GRM8: variants seen among roughly 807,000 people sequenced by gnomAD.
GRM8 encodes the protein metabotropic glutamate receptor 8.
In GRM8, 47 loss-of-function variants were observed where a neutral mutation model predicts 87.2. That is an observed-to-expected ratio of 0.54 (90% CI 0.43 to 0.69). The LOEUF (loss-of-function observed/expected upper bound fraction) is 0.69. Ranked by LOEUF, GRM8 falls within the 30% of genes least tolerant of loss-of-function variation. The pLI, the probability that GRM8 is intolerant of heterozygous loss-of-function variation, is 0.00. For missense variants in GRM8, 1,019 were observed against 1,139.2 expected (o/e 0.89, Z 1.52); for synonymous variants, 396 against 404.5 (o/e 0.98, Z 0.25).
At chr7:126,991,409 C>T (rs553062831) in intron 3 of GRM8, among the ~76,000 whole-genome samples, 3 of 152,100 alleles carry the variant, frequency 2.0e-5, no homozygotes, top group African/African-American at 7.2e-5. Flanking sequence ...GACTGTGTTC[C>T]GAAGCCTAGA....
At chr7:127,006,420 A>G (rs1224382861) in intron 3 of GRM8, among the ~76,000 whole-genome samples, 1 of 151,988 alleles carries the variant, frequency 6.6e-6, no homozygotes, top group South Asian at 2.1e-4. Context: ...TTGCCCCTTC[A>G]GCTTCCGTCC....
intron 2 of GRM8, among the ~76,000 whole-genome samples, chr7:127,120,713 G>A (rs1827034926): frequency 6.6e-6 from 1 of 152,198 alleles, no homozygotes; most frequent in African/African-American, 2.4e-5. Flanking sequence ...TTGTCATCAT[G>A]AGGAGATATA....
chr7:126,652,030 T>C (rs776909817), intron 7 of GRM8, among the ~76,000 whole-genome samples: 33 of 152,222 alleles, frequency 2.2e-4, no homozygotes, highest in Admixed American at 3.9e-4. Flanking sequence ...GCTACGACCA[T>C]GTGACCAGTT....
rs74784875 is a variant in GRM8, at chr7:126,608,465, C to T, written c.1494+897G>A. On this transcript the variant is annotated intron_variant, in intron 8 of 10. Transcript: ENST00000339582. ...GCAAATGCCCAGGTGCTTTTGGGCA[C>T]CAATCCCAGGCCTTGGGAACTTGCT... Among the ~76,000 whole-genome samples the T allele has an allele frequency of 1.7e-4, 26 of 152,312 alleles. No homozygotes were observed. In the East Asian group the frequency reaches 3.9e-3, roughly 23 times the overall value.
intron 2 of GRM8, among the ~76,000 whole-genome samples, chr7:127,223,443 GCACACACACACACA>G (rs61674303): frequency 0.077 from 11,084 of 144,010 alleles, 1,363 homozygotes; most frequent in African/African-American, 0.26. Flanking sequence ...ACACACACAC[GCACACACACACACA>G]CACACACACA....
chr7:126,577,739 T>C (rs1795243000), intron 8 of GRM8, among the ~76,000 whole-genome samples: 1 of 152,166 alleles, frequency 6.6e-6, no homozygotes, highest in African/African-American at 2.4e-5. Context: ...TGTAACCCAA[T>C]GCAATTTCTT....
At chr7:127,002,568 C>T (rs1414557101) in intron 3 of GRM8, among the ~76,000 whole-genome samples, 3 of 151,636 alleles carry the variant, frequency 2.0e-5, no homozygotes, top group Non-Finnish European at 4.4e-5. Context: ...TCTGCCATGG[C>T]TAGCTCTCGA....
intron 3 of GRM8, among the ~76,000 whole-genome samples, chr7:126,930,749 C>G (rs1415126874): frequency 6.6e-6 from 1 of 152,080 alleles, no homozygotes; most frequent in Non-Finnish European, 1.5e-5. Context: ...TTCATGTGAG[C>G]CGAGTATTAT....
intron 6 of GRM8, among the ~76,000 whole-genome samples, chr7:126,844,830 A>G (rs1193738399): frequency 6.6e-6 from 1 of 152,188 alleles, no homozygotes; most frequent in African/African-American, 2.4e-5. Context: ...ATACCATTGG[A>G]TTAGGACTTC....
At chr7:126,648,713 C>T (rs529417391) in intron 7 of GRM8, among the ~76,000 whole-genome samples, 24 of 152,190 alleles carry the variant, frequency 1.6e-4, no homozygotes, top group Non-Finnish European at 3.1e-4. Context: ...TATCTAGAAA[C>T]TCCATTATCT....
intron 6 of GRM8, among the ~76,000 whole-genome samples, chr7:126,840,467 A>C (rs1796173595): frequency 6.6e-6 from 1 of 152,166 alleles, no homozygotes; most frequent in African/African-American, 2.4e-5. Flanking sequence ...CTTTTATTGG[A>C]AAAGAATTTA....
chr7:127,219,315 G>A lies in GRM8; in HGVS notation c.510+23380C>T, dbSNP rs1796769648. ...ATAGTTACCTCAAGATAGAAATATAGTAAAGAACTTTTGTCTTTCATGACA... is the reference window on the plus strand; with the variant it reads ...ATAGTTACCTCAAGATAGAAATATAATAAAGAACTTTTGTCTTTCATGACA... On this transcript the variant is annotated intron_variant, in intron 2 of 10. Transcript: ENST00000339582. Among the ~76,000 whole-genome samples the A allele has an allele frequency of 2.6e-5, 4 of 152,266 alleles. No individual in the cohort carries two copies. The South Asian group carries it at 8.3e-4, about 32-fold the overall frequency.
chr7:126,656,778 T>C (rs918591348), intron 7 of GRM8, among the ~76,000 whole-genome samples: 8 of 152,328 alleles, frequency 5.3e-5, no homozygotes, highest in African/African-American at 1.7e-4. Context: ...ATGTTGGAGA[T>C]GCTTGTGTTC....
chr7:126,520,325 A>G (rs1191605660), intron 9 of GRM8, among the ~76,000 whole-genome samples: 1 of 152,186 alleles, frequency 6.6e-6, no homozygotes, highest in African/African-American at 2.4e-5. Flanking sequence ...GAAACATTCA[A>G]TGAATAGTGA....
intron 3 of GRM8, among the ~76,000 whole-genome samples, chr7:127,001,889 T>A (rs1426492055): frequency 6.6e-6 from 1 of 151,658 alleles, no homozygotes; most frequent in Admixed American, 6.6e-5. Context: ...TATCATTACA[T>A]GCAATTACAT....
intron 2 of GRM8, among the ~76,000 whole-genome samples, chr7:127,138,727 A>C (rs1828088455): frequency 2.0e-5 from 3 of 152,274 alleles, no homozygotes; most frequent in South Asian, 2.1e-4. Context: ...GAAAAACCCA[A>C]AGAAAAGAGA....
chr7:127,029,740 G>A (rs1223872256), intron 3 of GRM8, among the ~76,000 whole-genome samples: 2 of 151,678 alleles, frequency 1.3e-5, no homozygotes, highest in African/African-American at 4.8e-5. Flanking sequence ...TTGCATTTGA[G>A]ATGGGTCTCC....
chr7:126,736,463 G>T lies in GRM8; in HGVS notation c.1357+33402C>A, dbSNP rs147804980. 4.1e-3 allele frequency among the ~76,000 whole-genome samples: 622 copies of T among 151,976 alleles called. 8 individuals carry two copies. Among genetic ancestry groups the T allele is most frequent in the South Asian group, 0.036 (174 of 4,802 alleles). ...CAGCCCATCCTGTAATTTGAACAAG[G>T]TTATTCATTAATTACCTTGGTAATT... is the stretch of plus-strand genomic sequence containing the variant. On this transcript the variant is annotated intron_variant, in intron 7 of 10. Coordinates refer to ENST00000339582, the MANE Select transcript of GRM8 (RefSeq NM_000845.3).
At chr7:127,136,672 C>T (rs1199944221) in intron 2 of GRM8, among the ~76,000 whole-genome samples, 4 of 151,946 alleles carry the variant, frequency 2.6e-5, no homozygotes, top group African/African-American at 9.7e-5. Flanking sequence ...CTTTGAGACT[C>T]AACTCACTAT....
Sources: gnomAD v4.1 joint callset for allele counts (sites outside exome capture counted in the v4.1 genomes callset) on GRCh38, gnomAD v4.1.1 for gene constraint, MANE v1.5 for transcripts, NCBI Gene and HGNC (gene_info 2026-07-23, HGNC 2026-07-21) for gene names.